The following ZSWIM9 variants were observed in gnomAD, a reference collection of about 807,000 sequenced individuals.
ZSWIM9 encodes the protein uncharacterized protein ZSWIM9.
Under a neutral mutation model 25.0 loss-of-function variants are expected in ZSWIM9, and 11 were observed. The ratio of observed to expected loss-of-function variants is 0.44; its 90% CI spans 0.28 to 0.73. The LOEUF is 0.73. ZSWIM9 is among the 30% of genes least tolerant of loss of function. ZSWIM9 has a pLI of 0.16. For missense variants in ZSWIM9, 1,070 were observed against 1,296.5 expected, an observed-to-expected ratio of 0.83 and a Z score of 2.68; for synonymous variants, 562 against 582.1, an observed-to-expected ratio of 0.97 and a Z score of 0.50.
chr19:48,195,518 G>A lies in ZSWIM9; in HGVS notation c.1454G>A (p.Ser485Asn), dbSNP rs1471595150. Reference protein sequence around the residue: ...GDWGGAPKEGSIWRGAQMEKE... With the variant: ...GDWGGAPKEGNIWRGAQMEKE... ...TGGGGAGGGGCTCCGAAAGAAGGAA[G>A]TATTTGGAGGGGAGCCCAGATGGAG... The change falls in exon 4 of 4, where the codon AGT (serine) becomes AAT (asparagine). Residue 485 changes from serine (S) to asparagine (N), a missense_variant. Ser to Asn is a conservative substitution (Grantham distance 46, BLOSUM62 1). Around this residue, in one of 4 missense-constraint regions of ZSWIM9, gnomAD observed 583 missense variants for 624.7 expected, o/e 0.93. Transcript: ENST00000614654. The surrounding 1 kb of genome is among the most constrained non-coding windows in gnomAD (Gnocchi z 5.8). 2.1e-6 allele frequency: 3 copies of A among 1,413,012 alleles called. No homozygotes were observed. Among genetic ancestry groups the A allele is most frequent in the Admixed American group, 3.2e-5 (1 of 31,634 alleles). The allele number at this position is 1,413,012 out of a possible 1,614,324, so 87.5% of individuals were successfully genotyped here. A position where few individuals can be genotyped will look rare whatever the true frequency, so the allele number is the denominator to read the frequency against.
rs949803905 is a variant in ZSWIM9 at position 48,194,101 on chromosome 19, G to T, written c.589-552G>T. Among the ~76,000 whole-genome samples, 1 of 152,184 alleles carries T rather than the reference G, an allele frequency of 6.6e-6. No homozygotes were observed. Among genetic ancestry groups the T allele is most frequent in the African/African-American group, 2.4e-5 (1 of 41,454 alleles). ...TTGGGGGTGGGACTCAAAGCTAAAT[G>T]ATCTGCCTCCACAATCTAAGCTCAT... On this transcript the variant is annotated intron_variant, in intron 3 of 3. Coordinates refer to ENST00000614654, the MANE Select transcript of ZSWIM9 (RefSeq NM_199341.4). The surrounding 1 kb of genome is among the most constrained non-coding windows in gnomAD (Gnocchi z 6.0).
At chr19:48,179,552 C>T (rs1429051204) in intron 2 of ZSWIM9, among the ~76,000 whole-genome samples, 3 of 152,152 alleles carry the variant, frequency 2.0e-5, no homozygotes, top group African/African-American at 7.2e-5. Flanking sequence ...AGTCTGAGAA[C>T]CGCTGTCCTA....
Position 48,194,257 on chromosome 19 carries a change from T to A in ZSWIM9, c.589-396T>A, listed in dbSNP as rs1281044256. On this transcript the variant is annotated intron_variant, in intron 3 of 3. Coordinates refer to ENST00000614654, the MANE Select transcript of ZSWIM9 (RefSeq NM_199341.4). The surrounding 1 kb of genome is among the most constrained non-coding windows in gnomAD (Gnocchi z 6.0). Reference sequence around the variant, plus strand: ...AGGTGGCCCCGAGAAGGTGCATTTCTGTCCAGGTCCCAAGAACCGATGGTG... The same window carrying A: ...AGGTGGCCCCGAGAAGGTGCATTTCAGTCCAGGTCCCAAGAACCGATGGTG... Among the ~76,000 whole-genome samples the A allele has an allele frequency of 6.6e-6, 1 of 152,108 alleles. No individual in the cohort carries two copies. Among genetic ancestry groups the A allele is most frequent in the East Asian group, 1.9e-4 (1 of 5,168 alleles).
chr19:48,196,861 G>A lies in ZSWIM9; in HGVS notation c.*34G>A, dbSNP rs988482770. On this transcript the variant is annotated 3_prime_UTR_variant, in exon 4 of 4. Transcript: ENST00000614654. The stretch of plus-strand genomic sequence containing the variant: ...GCCTCTGCCCACCACCCTCCACCAG[G>A]AGGGTCGGAGGGCATTCTTCGATCC... 4.0e-6 allele frequency: 5 copies of A among 1,247,234 alleles called. No individual in the cohort carries two copies. In the African/African-American group the frequency reaches 7.7e-5, roughly 19 times the overall value. The allele number at this position is 1,247,234 out of a possible 1,614,324, so 77.3% of individuals were successfully genotyped here. A position where few individuals can be genotyped will look rare whatever the true frequency, so the allele number is the denominator to read the frequency against.
In ZSWIM9 at chr19:48,195,456, G is replaced by C; in HGVS notation, c.1392G>C (p.Gly464=). 7.0e-7 allele frequency: 1 copy of C among 1,430,786 alleles called. No individual in the cohort carries two copies. Among genetic ancestry groups the C allele is most frequent in the Admixed American group, 2.9e-5 (1 of 34,020 alleles). 88.6% of individuals were successfully genotyped at this position (1,430,786 alleles called of 1,614,324 possible). ...ATGAGCCAGGGAGGGGAGCCCAGGG[G>C]GAGAACGAGAGGGTGAGGGGCCTGG... The part of the protein sequence containing the change: ...LEDEPGRGAQ[G]ENERVRGLET... The change falls in exon 4 of 4, where the codon GGG becomes GGC. Residue 464 remains glycine, a synonymous_variant. Transcript: ENST00000614654. The surrounding 1 kb of genome is among the most constrained non-coding windows in gnomAD (Gnocchi z 5.8).
At position 48,182,740 on chromosome 19, in the gene ZSWIM9, C is replaced by G. The variant is rs1349304923; in HGVS notation, c.561C>G (p.Gly187=). 3 of 1,534,250 alleles carry G rather than the reference C, an allele frequency of 2.0e-6. No individual in the cohort carries two copies. In the East Asian group the frequency reaches 7.3e-5, roughly 38 times the overall value. ...GVLDALHVLE[G]LFRTDPEAKV... ...TGGACGCCCTGCACGTGCTCGAGGG[C>G]CTCTTCCGCACCGACCCCGAGGCCA... The change falls in exon 3 of 4, where the codon GGC becomes GGG. Residue 187 remains glycine, a synonymous_variant. Transcript: ENST00000614654. This position sits in a 1 kb window ranked among gnomAD's most constrained non-coding sequence, Gnocchi z 4.6.
In ZSWIM9 at chr19:48,172,086, A is replaced by G; in HGVS notation, c.275+9A>G. The G allele has an allele frequency of 7.9e-7, 1 of 1,259,504 alleles. No homozygotes were observed. Among genetic ancestry groups the G allele is most frequent in the Non-Finnish European group, 1.0e-6 (1 of 971,004 alleles). The allele number at this position is 1,259,504 out of a possible 1,614,324, so 78.0% of individuals were successfully genotyped here. ...AGCCGGCCCGCCGTGGGGTGCGTGA[A>G]CCTGAGCCGCTGTCCTGCTGGGGGG... On this transcript the variant is annotated intron_variant, in intron 2 of 3. Transcript: ENST00000614654.
chr19:48,178,889 TAAATG>T (rs2036920696), intron 2 of ZSWIM9, among the ~76,000 whole-genome samples: 1 of 152,186 alleles, frequency 6.6e-6, no homozygotes, highest in Non-Finnish European at 1.5e-5. Flanking sequence ...CCTATTTTTA[TAAATG>T]AAGTTTTATT....
chr19:48,178,471 C>G (rs1455876773), intron 2 of ZSWIM9, among the ~76,000 whole-genome samples: 1 of 152,106 alleles, frequency 6.6e-6, no homozygotes, highest in Non-Finnish European at 1.5e-5. Flanking sequence ...GTATTTACTA[C>G]CTGGGAGCCA....
intron 2 of ZSWIM9, among the ~76,000 whole-genome samples, chr19:48,179,176 T>C (rs560243872): frequency 1.3e-5 from 2 of 152,208 alleles, no homozygotes; most frequent in African/African-American, 4.8e-5. Context: ...TATTTTCTTT[T>C]TTGAGACAAG....
chr19:48,178,167 G>A (rs954731096), intron 2 of ZSWIM9, among the ~76,000 whole-genome samples: 8 of 152,300 alleles, frequency 5.3e-5, no homozygotes, highest in African/African-American at 1.7e-4. Flanking sequence ...CAAAGTGCTG[G>A]GATTATAGGC....
Position 48,185,289 on chromosome 19 carries a change from G to A in ZSWIM9, c.588+2522G>A, listed in dbSNP as rs140329242. 3.9e-3 allele frequency among the ~76,000 whole-genome samples: 597 copies of A among 151,966 alleles called. 8 individuals are homozygous for A. The highest frequency in any genetic ancestry group is 0.013 in the African/African-American group (556 of 41,370). On this transcript the variant is annotated intron_variant, in intron 3 of 3. Transcript: ENST00000614654. ...TGAGTAGCTGGGATTACAGGCATGCGCCACCATGCTAATTTTTGTGTTTTT... is the reference window on the plus strand; with the variant it reads ...TGAGTAGCTGGGATTACAGGCATGCACCACCATGCTAATTTTTGTGTTTTT...
rs2037159805 is a variant in ZSWIM9, at chr19:48,196,011, G to A, written c.1947G>A (p.Gln649=). ...GAACTGCAGAATGGAAGGGGCCACA[G>A]TCAGAAGTAGAGAAGGGGAGGGGGC... ...GLRTAEWKGP[Q]SEVEKGRGLE... The change falls in exon 4 of 4, where the codon CAG becomes CAA. Residue 649 remains glutamine, a synonymous_variant. Transcript: ENST00000614654. The A allele has an allele frequency of 1.6e-6, 2 of 1,278,922 alleles. No homozygotes were observed. Among genetic ancestry groups the A allele is most frequent in the Non-Finnish European group, 2.0e-6 (2 of 1,015,234 alleles). 79.2% of individuals were successfully genotyped at this position (1,278,922 alleles called of 1,614,324 possible). A position where few individuals can be genotyped will look rare whatever the true frequency, so the allele number is the denominator to read the frequency against.
At chr19:48,171,725 A>G in intron 1 of ZSWIM9, 69 bp from the exon 2 acceptor site, 3 of 1,413,168 alleles carry the variant, frequency 2.1e-6, no homozygotes, top group Non-Finnish European at 2.8e-6. Context: ...CAGGCCAAGA[A>G]TGGAGTAGAT....
At chr19:48,190,817 G>C (rs1364882192) in intron 3 of ZSWIM9, among the ~76,000 whole-genome samples, 1 of 152,204 alleles carries the variant, frequency 6.6e-6, no homozygotes, top group African/African-American at 2.4e-5. Flanking sequence ...GGCTCCCAGA[G>C]GGAATATTTT....
chr19:48,192,498 T>TATATATATATATATATATATATACACAC (rs369454865), intron 3 of ZSWIM9, among the ~76,000 whole-genome samples: 6 of 20,764 alleles, frequency 2.9e-4, no homozygotes, highest in African/African-American at 8.5e-4. Context: ...TATATATATA[T>TATATATATATATATATATATATACACAC]ACACACACAC....
At position 48,196,767 on chromosome 19, in the gene ZSWIM9, G is replaced by A. The variant is rs2037172378; in HGVS notation, c.2703G>A (p.Gly901=). 1 of 1,233,904 alleles carries A rather than the reference G, an allele frequency of 8.1e-7. No individual in the cohort carries two copies. The highest frequency in any genetic ancestry group is 1.0e-6 in the Non-Finnish European group (1 of 989,166). The allele number at this position is 1,233,904 out of a possible 1,614,324, so 76.4% of individuals were successfully genotyped here. The change falls in exon 4 of 4, where the codon GGG becomes GGA. Residue 901 remains glycine (G), a synonymous_variant. Coordinates refer to ENST00000614654, the MANE Select transcript of ZSWIM9 (RefSeq NM_199341.4). ...TCTTTGCAGCGCGCCTCCTCACTGG[G>A]GCTGCCTTATTCCACATGGACCTGC... is the stretch of plus-strand genomic sequence containing the variant. ...RHLFAARLLT[G]AALFHMDLLR... is the part of the protein sequence containing the mutation.
chr19:48,196,182 C>A lies in ZSWIM9; in HGVS notation c.2118C>A (p.Val706=). The change falls in exon 4 of 4, where the codon GTC becomes GTA. Residue 706 remains valine, a synonymous_variant. Transcript: ENST00000614654. The part of the protein sequence containing the change: ...IAEERGARVG[V]KRRRGLEDIV... ...AGGAGAGGGGAGCGAGGGTGGGGGT[C>A]AAAAGAAGAAGGGGCCTGGAGGATA... is the stretch of plus-strand genomic sequence containing the variant. 2 of 1,233,160 alleles carry A rather than the reference C, an allele frequency of 1.6e-6. No individual in the cohort carries two copies. The highest frequency in any genetic ancestry group is 2.0e-6 in the Non-Finnish European group (2 of 989,602). The allele number at this position is 1,233,160 out of a possible 1,614,324, so 76.4% of individuals were successfully genotyped here. A position where few individuals can be genotyped will look rare whatever the true frequency, so the allele number is the denominator to read the frequency against.
intron 1 of ZSWIM9, among the ~76,000 whole-genome samples, chr19:48,171,036 C>G (rs2036792042): frequency 6.6e-6 from 1 of 152,094 alleles, no homozygotes; most frequent in East Asian, 1.9e-4. Flanking sequence ...CAGGTGAATA[C>G]TGGTGACACT....
Sources: allele counts gnomAD v4.1 joint callset (sites outside exome capture counted in the v4.1 genomes callset), GRCh38; gene constraint gnomAD v4.1.1; regional missense constraint gnomAD v4.1.1; non-coding constraint Gnocchi (gnomAD v3.1); transcripts MANE v1.5; gene names NCBI Gene and HGNC (gene_info 2026-07-23, HGNC 2026-07-21).